The following ALG9 variants were observed in gnomAD, a reference collection of about 807,000 sequenced individuals.
The protein encoded by ALG9 is ALG9 alpha-1,2-mannosyltransferase.
In ALG9, 55 loss-of-function variants were observed where a neutral mutation model predicts 81.8. The observed-to-expected ratio is 0.67, with a 90% CI of 0.54 to 0.84. The LOEUF is 0.84. Among genes scored for constraint, ALG9 ranks in the 40% least tolerant of loss-of-function variants. The pLI, the probability that ALG9 is intolerant of heterozygous loss-of-function variation, is 0.00. For missense variants in ALG9, 629 were observed against 745.0 expected, an observed-to-expected ratio of 0.84 and a Z score of 1.81; for synonymous variants, 278 against 274.3, an observed-to-expected ratio of 1.01 and a Z score of -0.13.
chr11:111,829,774 A>G (rs1208094378), intron 13 of ALG9, among the ~76,000 whole-genome samples: 1 of 152,196 alleles, frequency 6.6e-6, no homozygotes, highest in Admixed American at 6.5e-5. Context: ...TGCAGTCTTC[A>G]GTGACATCAT....
chr11:111,865,376 C>A, intron 3 of ALG9, 125 bp from the exon 4 acceptor site: 3 of 715,324 alleles, frequency 4.2e-6, no homozygotes, highest in South Asian at 3.8e-5. Context: ...TGAAAAGCAA[C>A]ATGGATCAAG....
intron 13 of ALG9, among the ~76,000 whole-genome samples, chr11:111,825,124 A>G (rs1555107185): frequency 6.6e-6 from 1 of 152,106 alleles, no homozygotes; most frequent in East Asian, 1.9e-4. Flanking sequence ...ACTACAAACA[A>G]CCTTGAAAAA....
chr11:111,809,884 C>T, intron 13 of ALG9, 111 bp from the exon 14 acceptor site: 1 of 1,265,260 alleles, frequency 7.9e-7, no homozygotes. Flanking sequence ...AACAAACATC[C>T]AAGTCTTCAG....
chr11:111,785,409 A>C lies in ALG9; in HGVS notation c.*988T>G, dbSNP rs1275833692. The C allele has an allele frequency of 1.3e-5, 2 of 152,650 alleles. No homozygotes were observed. The highest frequency in any genetic ancestry group is 4.8e-5 in the African/African-American group (2 of 41,468). The allele number at this position is 152,650 out of a possible 1,614,324, so 9.5% of individuals were successfully genotyped here. A position where few individuals can be genotyped will look rare whatever the true frequency, so the allele number is the denominator to read the frequency against. On this transcript the variant is annotated 3_prime_UTR_variant, in exon 15 of 15. Coordinates refer to ENST00000616540, the MANE Select transcript of ALG9 (RefSeq NM_024740.2). ...CCTTATCATTGCCTATTTGACTAGA[A>C]GTGCCCCATGCAGGATGTGCCTCAC...
intron 13 of ALG9, among the ~76,000 whole-genome samples, chr11:111,821,073 G>C (rs1555103141): frequency 1.3e-5 from 2 of 152,120 alleles, no homozygotes; most frequent in African/African-American, 4.8e-5. Flanking sequence ...TCCAGCCTGG[G>C]CAAGAGTGCG....
chr11:111,834,093 A>G (rs1228229866), intron 13 of ALG9, among the ~76,000 whole-genome samples: 3 of 152,264 alleles, frequency 2.0e-5, no homozygotes, highest in African/African-American at 7.2e-5. Flanking sequence ...TGGCATTCAC[A>G]TATTTGATGT....
chr11:111,855,004 A>G (rs1252064226), intron 6 of ALG9, among the ~76,000 whole-genome samples: 1 of 152,248 alleles, frequency 6.6e-6, no homozygotes, highest in African/African-American at 2.4e-5. Context: ...GTGAAATTCA[A>G]TGTAGATGAA....
At chr11:111,865,679 T>A (rs1036921387) in intron 3 of ALG9, among the ~76,000 whole-genome samples, 8 of 152,192 alleles carry the variant, frequency 5.3e-5, no homozygotes, top group Non-Finnish European at 1.0e-4. Flanking sequence ...ATATATCAGG[T>A]AGTGATTATG....
intron 4 of ALG9, 80 bp downstream of exon 4, chr11:111,865,101 G>A: frequency 1.7e-6 from 2 of 1,190,862 alleles, no homozygotes; most frequent in South Asian, 3.0e-5. Flanking sequence ...TCTAATCACT[G>A]CCTAGACTAT....
intron 13 of ALG9, 87 bp from the exon 14 acceptor site, chr11:111,809,860 C>T: frequency 7.4e-6 from 11 of 1,490,876 alleles, no homozygotes; most frequent in South Asian, 2.3e-5. Flanking sequence ...TAAAAATTTA[C>T]AGAGCTTTGG....
At chr11:111,832,476 G>T (rs1388614139) in intron 13 of ALG9, among the ~76,000 whole-genome samples, 6 of 151,626 alleles carry the variant, frequency 4.0e-5, no homozygotes, top group Admixed American at 2.6e-4. Flanking sequence ...ACTGAATCTC[G>T]CTATGTTGTC....
intron 14 of ALG9, among the ~76,000 whole-genome samples, chr11:111,802,180 C>T (rs899391429): frequency 3.3e-5 from 5 of 152,318 alleles, no homozygotes; most frequent in Non-Finnish European, 4.4e-5. Context: ...CAGAAACCTT[C>T]GGTTCCCTTG....
chr11:111,840,851 A>T, intron 9 of ALG9, 42 bp from the exon 10 acceptor site: 1 of 1,608,218 alleles, frequency 6.2e-7, no homozygotes, highest in Non-Finnish European at 8.5e-7. Flanking sequence ...TTATATTAGA[A>T]CAAAACAACA....
chr11:111,843,458 G>A lies in ALG9; in HGVS notation c.1018+1143C>T, dbSNP rs141442411. On this transcript the variant is annotated intron_variant, in intron 9 of 14. Transcript: ENST00000616540. The stretch of plus-strand genomic sequence containing the variant: ...ATTAGGATAATGGCATTATGGCTAC[G>A]TTGAAACAAAAGTCCTAACACCAAA... Among the ~76,000 whole-genome samples the A allele has an allele frequency of 5.8e-4, 89 of 152,238 alleles. 1 individual carries two copies. The highest frequency in any genetic ancestry group is 1.2e-3 in the African/African-American group (50 of 41,548).
chr11:111,840,773 G>A lies in ALG9; in HGVS notation c.1055C>T (p.Ala352Val). 6.2e-7 allele frequency: 1 copy of A among 1,614,056 alleles called. No individual in the cohort carries two copies. The highest frequency in any genetic ancestry group is 8.5e-7 in the Non-Finnish European group (1 of 1,179,986). Residue 352 changes from alanine to valine, a missense_variant, in exon 10 of 15, where the codon GCT becomes GTT. By Grantham distance (64) the Ala-to-Val change is moderately conservative (BLOSUM62 0). Around this residue, in one of 3 missense-constraint regions of ALG9, gnomAD observed 21 missense variants for 52.4 expected, o/e 0.40. Transcript: ENST00000616540. ...NLGHPYWLTLAPMYIWFIIFF... is the reference protein window; with the variant it reads ...NLGHPYWLTLVPMYIWFIIFF... The stretch of plus-strand genomic sequence containing the variant: ...AATTATAAACCAAATATACATTGGA[G>A]CCAAGGTAAGCCAATACGGGTGGCC...
At chr11:111,847,136 T>A (rs948328848) in intron 8 of ALG9, among the ~76,000 whole-genome samples, 2 of 151,840 alleles carry the variant, frequency 1.3e-5, no homozygotes, top group Non-Finnish European at 2.9e-5. Flanking sequence ...TAAGACATCC[T>A]TATAAATGTC....
At chr11:111,865,332 T>C in intron 3 of ALG9, 81 bp from the exon 4 acceptor site, 1 of 1,050,276 alleles carries the variant, frequency 9.5e-7, no homozygotes, top group Non-Finnish European at 1.4e-6. Context: ...CTCTCATTTA[T>C]TGTCAATAAC....
chr11:111,790,481 T>A (rs905932492), intron 14 of ALG9, among the ~76,000 whole-genome samples: 2 of 152,034 alleles, frequency 1.3e-5, no homozygotes, highest in Non-Finnish European at 2.9e-5. Flanking sequence ...TAAAAAAATT[T>A]AAAAAATAAG....
chr11:111,821,259 T>C (rs148577929), intron 13 of ALG9, among the ~76,000 whole-genome samples: 54 of 152,318 alleles, frequency 3.5e-4, no homozygotes, highest in African/African-American at 1.1e-3. Flanking sequence ...GGGAGGCTTC[T>C]GTCCTCCTTG....
Sources: allele counts gnomAD v4.1 joint callset (sites outside exome capture counted in the v4.1 genomes callset), GRCh38; gene constraint gnomAD v4.1.1; regional missense constraint gnomAD v4.1.1; transcripts MANE v1.5; gene names NCBI Gene and HGNC (gene_info 2026-07-23, HGNC 2026-07-21).